Variants in AFF2 observed in about 807,000 individuals in gnomAD.
The protein encoded by AFF2 is AF4/FMR2 family member 2.
Under a neutral mutation model 76.9 loss-of-function variants are expected in AFF2, and 14 were observed. That is an observed-to-expected ratio of 0.18 (90% confidence interval 0.12 to 0.28). AFF2 has a LOEUF of 0.28. AFF2 is among the 10% of genes least tolerant of loss of function. The pLI is 1.00. For synonymous variants in AFF2, 398 were observed against 366.7 expected (o/e 1.09, Z -0.98); for missense variants, 868 against 1,001.1 (o/e 0.87, Z 1.79).
chrX:148,675,225 G>A (rs782223852), intron 3 of AFF2, among the ~76,000 whole-genome samples: 42 of 110,602 alleles, frequency 3.8e-4, no homozygotes, highest in Non-Finnish European at 6.2e-4. Context: ...GTTTAGTTAA[G>A]GCTTTAAAGA....
chrX:148,749,988 A>G (rs927283785), intron 3 of AFF2, among the ~76,000 whole-genome samples: 3 of 89,226 alleles, frequency 3.4e-5, no homozygotes, highest in Non-Finnish European at 4.8e-5. Flanking sequence ...TATTTTTAAG[A>G]CAGAGTTTCA....
In AFF2 at chrX:148,915,148, A is replaced by C. The variant is rs1557282414; in HGVS notation, c.1397+10890A>C. Among the ~76,000 whole-genome samples the C allele has an allele frequency of 1.8e-5, 2 of 112,593 alleles. 1 individual carries two copies. Among genetic ancestry groups the C allele is most frequent in the Admixed American group, 1.9e-4 (2 of 10,708 alleles). On this transcript the variant is annotated intron_variant, in intron 9 of 20. Transcript: ENST00000370460. ...TAAAGCTTTTGCCTAAATCAACAGG[A>C]GTTAACTAGAGAGCCACCATTGAAA...
chrX:148,619,107 C>T (rs2053842353), intron 1 of AFF2, among the ~76,000 whole-genome samples: 1 of 111,624 alleles, frequency 9.0e-6, no homozygotes, highest in Non-Finnish European at 1.9e-5. Context: ...ACCTATTATT[C>T]ATCTTCAAAA....
At chrX:148,825,001 G>T (rs1477921771) in intron 4 of AFF2, among the ~76,000 whole-genome samples, 1 of 111,148 alleles carries the variant, frequency 9.0e-6, no homozygotes, top group Non-Finnish European at 1.9e-5. Flanking sequence ...TCACACCATT[G>T]CACACTACTC....
At chrX:148,547,533 T>G (rs1224480478) in intron 1 of AFF2, 1 of 112,264 alleles carries the variant, frequency 8.9e-6, no homozygotes, top group Non-Finnish European at 1.9e-5. Flanking sequence ...AAGGGCATAC[T>G]AATTCACTGT....
rs144338250 is a variant in AFF2, at chrX:148,896,563, C to A, written c.1360-7658C>A. Reference sequence around the variant, plus strand: ...GTCTATAACTAATGGTGAACAGATACAGTATTTGGAGAGAGGTTTGCATGT... The same window carrying A: ...GTCTATAACTAATGGTGAACAGATAAAGTATTTGGAGAGAGGTTTGCATGT... On this transcript the variant is annotated intron_variant, in intron 8 of 20. Coordinates refer to ENST00000370460, the MANE Select transcript of AFF2 (RefSeq NM_002025.4). 1.2e-3 allele frequency among the ~76,000 whole-genome samples: 131 copies of A among 111,617 alleles called. 1 individual carries two copies. Among genetic ancestry groups the A allele is most frequent in the African/African-American group, 3.9e-3 (121 of 30,772 alleles).
intron 3 of AFF2, among the ~76,000 whole-genome samples, chrX:148,756,045 A>C (rs782312283): frequency 8.9e-6 from 1 of 112,182 alleles, no homozygotes; most frequent in Non-Finnish European, 1.9e-5. Context: ...ATTCATATAA[A>C]ATAGGCTTTA....
chrX:148,577,496 C>T (rs952135262), intron 1 of AFF2, among the ~76,000 whole-genome samples: 8 of 112,219 alleles, frequency 7.1e-5, no homozygotes, highest in African/African-American at 2.6e-4. Context: ...GGCTCCCAAA[C>T]CTCTGCTTTC....
At chrX:148,716,050 T>C (rs184284663) in intron 3 of AFF2, among the ~76,000 whole-genome samples, 91 of 111,600 alleles carry the variant, frequency 8.2e-4, no homozygotes, top group African/African-American at 2.9e-3. Flanking sequence ...TTATATATAT[T>C]ATTTTGCATA....
At chrX:148,789,178 G>A (rs184247103) in intron 3 of AFF2, among the ~76,000 whole-genome samples, 56 of 112,228 alleles carry the variant, frequency 5.0e-4, no homozygotes, top group African/African-American at 1.7e-3. Context: ...GATATAGTCT[G>A]TCAATTTTAT....
chrX:148,714,878 A>G (rs1557263222), intron 3 of AFF2, among the ~76,000 whole-genome samples: 1 of 111,779 alleles, frequency 8.9e-6, no homozygotes. Context: ...TTTGCTATAT[A>G]CCTACTGTGT....
chrX:148,706,103 C>CT (rs1280660743), intron 3 of AFF2, among the ~76,000 whole-genome samples: 1 of 112,077 alleles, frequency 8.9e-6, no homozygotes, highest in African/African-American at 3.2e-5. Context: ...TTTATTCTAG[C>CT]TTCTGATATC....
intron 8 of AFF2, among the ~76,000 whole-genome samples, chrX:148,892,508 A>G (rs1403759788): frequency 1.8e-5 from 2 of 111,149 alleles, no homozygotes; most frequent in Non-Finnish European, 3.8e-5. Flanking sequence ...CCTGGTTGCT[A>G]TTTGAGAATT....
intron 13 of AFF2, among the ~76,000 whole-genome samples, chrX:148,963,385 T>C (rs2072134175): frequency 8.9e-6 from 1 of 111,990 alleles, no homozygotes; most frequent in Non-Finnish European, 1.9e-5. Flanking sequence ...GGCATAATTT[T>C]TGCCTTAGCC....
intron 1 of AFF2, among the ~76,000 whole-genome samples, chrX:148,575,477 G>A (rs1197260897): frequency 2.7e-5 from 3 of 111,307 alleles, no homozygotes; most frequent in Non-Finnish European, 5.7e-5. Context: ...AGGTGATTAC[G>A]TTTCCACAGG....
intron 4 of AFF2, 24 bp from the exon 5 acceptor site, chrX:148,837,623 A>T (rs782366847): frequency 7.0e-6 from 7 of 997,997 alleles, no homozygotes; most frequent in Non-Finnish European, 9.9e-6. Flanking sequence ...CCTGAAATAA[A>T]GTTTCTTTAT....
At chrX:148,864,009 A>G (rs984371320) in intron 7 of AFF2, among the ~76,000 whole-genome samples, 6 of 111,521 alleles carry the variant, frequency 5.4e-5, no homozygotes, top group African/African-American at 2.0e-4. Flanking sequence ...AGAAAAATCA[A>G]TTAACCAGTA....
chrX:148,732,576 TA>T (rs782568759), intron 3 of AFF2, among the ~76,000 whole-genome samples: 5,088 of 50,969 alleles, frequency 0.1, 150 homozygotes, highest in African/African-American at 0.17. Context: ...AAAGTATAAT[TA>T]AAAAAAAAAA....
At chrX:148,858,305 T>G (rs1557276093) in intron 7 of AFF2, among the ~76,000 whole-genome samples, 1 of 111,490 alleles carries the variant, frequency 9.0e-6, no homozygotes, top group East Asian at 2.8e-4. Flanking sequence ...ATACACAATT[T>G]TACATGGGAG....
Sources: gnomAD v4.1 joint callset for allele counts (sites outside exome capture counted in the v4.1 genomes callset) on GRCh38, gnomAD v4.1.1 for gene constraint, MANE v1.5 for transcripts, NCBI Gene and HGNC (gene_info 2026-07-23, HGNC 2026-07-21) for gene names.